CDKAL1: variants seen among roughly 807,000 people sequenced by gnomAD.
The protein encoded by CDKAL1 is threonylcarbamoyladenosine tRNA methylthiotransferase.
CDKAL1 carries 32 observed loss-of-function variants against 68.2 expected under a neutral mutation model. The observed-to-expected ratio is 0.47, with a 90% CI of 0.35 to 0.63. CDKAL1 has a LOEUF of 0.63. Among genes scored for constraint, CDKAL1 ranks in the 30% least tolerant of loss-of-function variants. The pLI is 0.00. For synonymous variants in CDKAL1, 234 were observed against 244.3 expected (o/e 0.96, Z 0.39); for missense variants, 606 against 696.7 (o/e 0.87, Z 1.47).
At chr6:20,932,695 C>T (rs900692422) in intron 9 of CDKAL1, among the ~76,000 whole-genome samples, 10 of 152,064 alleles carry the variant, frequency 6.6e-5, no homozygotes, top group African/African-American at 2.4e-4. Flanking sequence ...GTCCTAAAAA[C>T]TTTCCGTTTT....
intron 12 of CDKAL1, among the ~76,000 whole-genome samples, chr6:21,091,530 C>T (rs1468281858): frequency 2.0e-5 from 3 of 152,162 alleles, no homozygotes; most frequent in South Asian, 2.1e-4. Flanking sequence ...CCAGCTCAGG[C>T]GTACAGCTCA....
intron 4 of CDKAL1, among the ~76,000 whole-genome samples, chr6:20,587,446 C>G (rs549893941): frequency 1.3e-4 from 20 of 152,114 alleles, no homozygotes; most frequent in African/African-American, 4.6e-4. Context: ...AAAACAGATG[C>G]TGTGGGCTGG....
chr6:20,936,473 A>G (rs575723868), intron 9 of CDKAL1, among the ~76,000 whole-genome samples: 1 of 150,294 alleles, frequency 6.7e-6, no homozygotes, highest in Admixed American at 6.6e-5. Flanking sequence ...GATGGTCTCG[A>G]TCTCCTGACC....
chr6:20,559,769 G>A (rs1764197009), intron 4 of CDKAL1: 1 of 152,132 alleles, frequency 6.6e-6, no homozygotes, highest in East Asian at 1.9e-4. Flanking sequence ...ATTTTCATGA[G>A]TCAGATAAAC....
At chr6:20,721,725 GTTTTTTTTTT>G (rs145893325) in intron 5 of CDKAL1, among the ~76,000 whole-genome samples, 2 of 67,380 alleles carry the variant, frequency 3.0e-5, no homozygotes, top group African/African-American at 6.0e-5. Flanking sequence ...ACCAACTTCT[GTTTTTTTTTT>G]TTTTTTTTTT....
At chr6:21,215,922 A>C (rs1779326491) in intron 15 of CDKAL1, among the ~76,000 whole-genome samples, 1 of 152,210 alleles carries the variant, frequency 6.6e-6, no homozygotes, top group South Asian at 2.1e-4. Flanking sequence ...TGCCCTTAAC[A>C]TAAGGAGGGT....
At chr6:21,190,514 T>C (rs935507029) in intron 13 of CDKAL1, among the ~76,000 whole-genome samples, 6 of 152,080 alleles carry the variant, frequency 3.9e-5, no homozygotes, top group African/African-American at 1.2e-4. Context: ...ATTACAGGCA[T>C]CTGCCACCGC....
chr6:20,672,055 T>A (rs963939046), intron 5 of CDKAL1, among the ~76,000 whole-genome samples: 1 of 152,246 alleles, frequency 6.6e-6, no homozygotes, highest in East Asian at 1.9e-4. Context: ...CCATCTACGC[T>A]GTTTGCAAAG....
chr6:20,894,574 A>G lies in CDKAL1; in HGVS notation c.742+48396A>G, dbSNP rs545213607. Among the ~76,000 whole-genome samples, 419 of 152,162 alleles carry G rather than the reference A, an allele frequency of 2.8e-3. 5 individuals carry two copies. Among genetic ancestry groups the G allele is most frequent in the African/African-American group, 9.6e-3 (397 of 41,528 alleles). ...TAAAGGCTACACTTCTGAATCAGAG[A>G]TTTTCCATTTGGGAAGTTTGAAGAA... On this transcript the variant is annotated intron_variant, in intron 9 of 15. Transcript: ENST00000274695.
intron 13 of CDKAL1, among the ~76,000 whole-genome samples, chr6:21,154,351 A>G (rs1776546237): frequency 6.6e-6 from 1 of 152,222 alleles, no homozygotes; most frequent in Admixed American, 6.5e-5. Context: ...ATTTCTAGCA[A>G]CTTCATCTCT....
At chr6:20,572,235 A>G (rs1367841913) in intron 4 of CDKAL1, among the ~76,000 whole-genome samples, 1 of 152,142 alleles carries the variant, frequency 6.6e-6, no homozygotes, top group African/African-American at 2.4e-5. Context: ...AATTTTCTCT[A>G]CACTTGTGAC....
At chr6:20,707,838 C>T (rs548674266) in intron 5 of CDKAL1, among the ~76,000 whole-genome samples, 2 of 152,232 alleles carry the variant, frequency 1.3e-5, no homozygotes, top group East Asian at 3.9e-4. Flanking sequence ...TTAAAGCTTC[C>T]TGCCAAAATC....
chr6:20,987,418 C>G (rs1490341675), intron 10 of CDKAL1, among the ~76,000 whole-genome samples: 1 of 152,086 alleles, frequency 6.6e-6, no homozygotes, highest in East Asian at 1.9e-4. Flanking sequence ...CCAAACCCAG[C>G]TAATTTTTGT....
intron 8 of CDKAL1, among the ~76,000 whole-genome samples, chr6:20,786,624 A>C (rs905053835): frequency 6.7e-6 from 1 of 149,252 alleles, no homozygotes; most frequent in Non-Finnish European, 1.5e-5. Flanking sequence ...CAGCCTCCTG[A>C]GTAGCTGGGA....
rs188602933 is a variant in CDKAL1 at position 21,082,354 on chromosome 6, T to C, written c.1236+17126T>C. ...CATAGTCTATGCTTTTCATGTACTT[T>C]GTCTCCTGTTATTCTTTCAACAATC... On this transcript the variant is annotated intron_variant, in intron 12 of 15. Transcript: ENST00000274695. 2.3e-4 allele frequency among the ~76,000 whole-genome samples: 35 copies of C among 152,358 alleles called. No homozygotes were observed. In the East Asian group the frequency reaches 6.4e-3, roughly 28 times the overall value.
At chr6:20,775,135 C>T (rs1775116883) in intron 7 of CDKAL1, among the ~76,000 whole-genome samples, 1 of 152,130 alleles carries the variant, frequency 6.6e-6, no homozygotes. Context: ...ATTAAAGTTG[C>T]ATATCTATTT....
intron 15 of CDKAL1, among the ~76,000 whole-genome samples, chr6:21,206,437 TTTC>T (rs1025968188): frequency 3.9e-5 from 6 of 152,222 alleles, no homozygotes; most frequent in Non-Finnish European, 2.9e-5. Flanking sequence ...ACTAATGTTC[TTTC>T]TTCTTGTCTG....
chr6:20,910,959 T>C (rs902200295), intron 9 of CDKAL1, among the ~76,000 whole-genome samples: 25 of 152,180 alleles, frequency 1.6e-4, no homozygotes, highest in African/African-American at 5.1e-4. Flanking sequence ...TGGAAGAGAT[T>C]GTCTCTTACG....
intron 13 of CDKAL1, among the ~76,000 whole-genome samples, chr6:21,130,170 T>C (rs1430546461): frequency 6.6e-6 from 1 of 151,918 alleles, no homozygotes; most frequent in Non-Finnish European, 1.5e-5. Context: ...TTCCAAGTAT[T>C]CTGTGATTCA....
Sources: gnomAD v4.1 joint callset for allele counts (sites outside exome capture counted in the v4.1 genomes callset) on GRCh38, gnomAD v4.1.1 for gene constraint, MANE v1.5 for transcripts, NCBI Gene and HGNC (gene_info 2026-07-23, HGNC 2026-07-21) for gene names.